Variants in RGS7BP observed in about 807,000 individuals in gnomAD.
The protein encoded by RGS7BP is regulator of G protein signaling 7 binding protein, also known as regulator of G protein signaling 7-binding protein.
Under a neutral mutation model 31.3 loss-of-function variants are expected in RGS7BP, and 9 were observed. The ratio of observed to expected loss-of-function variants is 0.29; its 90% CI spans 0.17 to 0.50. The LOEUF (loss-of-function observed/expected upper bound fraction) is 0.50. Ranked by LOEUF, RGS7BP falls within the 20% of genes least tolerant of loss-of-function variation. RGS7BP has a pLI of 0.98. For missense variants in RGS7BP, 274 were observed against 322.0 expected (o/e 0.85, Z 1.14); for synonymous variants, 115 against 120.1 (o/e 0.96, Z 0.28).
At chr5:64,597,133 C>G (rs564501907) in intron 4 of RGS7BP, among the ~76,000 whole-genome samples, 2 of 152,198 alleles carry the variant, frequency 1.3e-5, no homozygotes. Flanking sequence ...GCCCCTATGT[C>G]CTGGGGTCTC....
intron 3 of RGS7BP, among the ~76,000 whole-genome samples, chr5:64,582,825 T>C (rs1316134469): frequency 1.3e-5 from 2 of 152,098 alleles, no homozygotes; most frequent in Non-Finnish European, 2.9e-5. Context: ...GTATTCAGCA[T>C]CATATTAAGA....
intron 2 of RGS7BP, among the ~76,000 whole-genome samples, chr5:64,514,724 CA>C (rs1748925923): frequency 1.3e-5 from 2 of 152,140 alleles, no homozygotes; most frequent in African/African-American, 4.8e-5. Flanking sequence ...CCGGGGTGTT[CA>C]CTTTCCCTGG....
intron 2 of RGS7BP, among the ~76,000 whole-genome samples, chr5:64,534,561 A>G (rs936935943): frequency 1.6e-4 from 24 of 152,080 alleles, no homozygotes; most frequent in Non-Finnish European, 2.9e-4. Flanking sequence ...GGGAAAGGGG[A>G]GAATCAGAAA....
chr5:64,511,435 C>T (rs1748829486), intron 2 of RGS7BP, among the ~76,000 whole-genome samples: 1 of 152,170 alleles, frequency 6.6e-6, no homozygotes, highest in African/African-American at 2.4e-5. Flanking sequence ...CTAAGAGGGG[C>T]CTTAAAGATC....
chr5:64,605,344 T>C (rs1743325144), intron 5 of RGS7BP, among the ~76,000 whole-genome samples: 2 of 152,156 alleles, frequency 1.3e-5, no homozygotes, highest in African/African-American at 4.8e-5. Flanking sequence ...AAACATTCCC[T>C]TTTGCTTACA....
rs1580480860 is a variant in RGS7BP at position 64,611,529 on chromosome 5, T to C, written c.*2277T>C. 6.6e-6 allele frequency: 1 copy of C among 152,424 alleles called. No individual in the cohort carries two copies. The highest frequency in any genetic ancestry group is 1.9e-4 in the East Asian group (1 of 5,148). 9.4% of individuals were successfully genotyped at this position (152,424 alleles called of 1,614,324 possible). A position where few individuals can be genotyped will look rare whatever the true frequency, so the allele number is the denominator to read the frequency against. ...TTAATAAATTCAGGTCTCACCTCCATGTCTGAAAAGGCTATAGTAGCTATT... is the reference window on the plus strand; with the variant it reads ...TTAATAAATTCAGGTCTCACCTCCACGTCTGAAAAGGCTATAGTAGCTATT... On this transcript the variant is annotated 3_prime_UTR_variant, in exon 6 of 6. Transcript: ENST00000334025.
chr5:64,524,096 G>A (rs1749175135), intron 2 of RGS7BP, among the ~76,000 whole-genome samples: 1 of 152,128 alleles, frequency 6.6e-6, no homozygotes, highest in Admixed American at 6.6e-5. Flanking sequence ...GTAGCTGGTA[G>A]GATTTAACTG....
intron 5 of RGS7BP, among the ~76,000 whole-genome samples, chr5:64,608,297 A>G (rs369497654): frequency 1.3e-5 from 2 of 152,018 alleles, no homozygotes; most frequent in Non-Finnish European, 2.9e-5. Context: ...TTTGCTTTGC[A>G]CTTTTTTAAA....
intron 3 of RGS7BP, among the ~76,000 whole-genome samples, chr5:64,576,896 C>T (rs771154575): frequency 3.0e-4 from 45 of 152,144 alleles, no homozygotes; most frequent in Non-Finnish European, 5.0e-4. Context: ...TGTGCTTGAG[C>T]TCAGAAGAAT....
intron 4 of RGS7BP, 138 bp from the exon 5 acceptor site, chr5:64,598,227 A>G (rs982784895): frequency 3.3e-6 from 2 of 604,124 alleles, no homozygotes; most frequent in Admixed American, 3.0e-5. Flanking sequence ...AATAAATTCA[A>G]TATTTGCCTA....
At chr5:64,551,821 A>G (rs903651014) in intron 2 of RGS7BP, among the ~76,000 whole-genome samples, 9 of 152,302 alleles carry the variant, frequency 5.9e-5, no homozygotes, top group African/African-American at 1.9e-4. Flanking sequence ...CTAATCTAAA[A>G]TCTTTTACTT....
chr5:64,519,064 A>G (rs2111894383), intron 2 of RGS7BP, among the ~76,000 whole-genome samples: 1 of 152,308 alleles, frequency 6.6e-6, no homozygotes, highest in Middle Eastern at 3.4e-3. Flanking sequence ...CTGTCTGCTG[A>G]GAACACAAAT....
At chr5:64,533,884 A>T (rs1250359844) in intron 2 of RGS7BP, among the ~76,000 whole-genome samples, 3 of 152,244 alleles carry the variant, frequency 2.0e-5, no homozygotes, top group Non-Finnish European at 4.4e-5. Context: ...GGCACTGGGG[A>T]TACCCCAGGA....
chr5:64,567,606 T>A (rs1203680535), intron 2 of RGS7BP, among the ~76,000 whole-genome samples: 5 of 152,178 alleles, frequency 3.3e-5, no homozygotes, highest in African/African-American at 1.2e-4. Flanking sequence ...ATTGAATAAT[T>A]TAAACATAGT....
intron 2 of RGS7BP, among the ~76,000 whole-genome samples, chr5:64,508,496 C>T (rs2111866932): frequency 6.6e-6 from 1 of 152,238 alleles, no homozygotes; most frequent in East Asian, 1.9e-4. Context: ...TTATTTTCAT[C>T]AGATTTATCG....
chr5:64,585,184 T>C (rs3914039), intron 3 of RGS7BP, among the ~76,000 whole-genome samples: 101,306 of 151,936 alleles, frequency 0.67, 34,011 homozygotes, highest in Admixed American at 0.75. Flanking sequence ...TCATAGCAGG[T>C]AATGTGTCAG....
At chr5:64,601,379 C>T in intron 5 of RGS7BP, 1 of 794,856 alleles carries the variant, frequency 1.3e-6, no homozygotes, top group Non-Finnish European at 1.5e-6. Context: ...AAGACTTAAT[C>T]ATATCTTCTC....
At chr5:64,544,240 A>G (rs1741593389) in intron 2 of RGS7BP, among the ~76,000 whole-genome samples, 1 of 152,218 alleles carries the variant, frequency 6.6e-6, no homozygotes, top group South Asian at 2.1e-4. Context: ...AAAGAAGCAA[A>G]CAGGTGGTGA....
rs1162422947 is a variant in RGS7BP at position 64,610,504 on chromosome 5, A to G, written c.*1252A>G. ...TTTTTTCTTGTTTTCCATAGTCTGA[A>G]AAACCTTCAAGTCAGACAGGAGGCA... On this transcript the variant is annotated 3_prime_UTR_variant, in exon 6 of 6. Coordinates refer to ENST00000334025, the MANE Select transcript of RGS7BP (RefSeq NM_001029875.3). 1 of 151,934 alleles carries G rather than the reference A, an allele frequency of 6.6e-6. No individual in the cohort carries two copies. The highest frequency in any genetic ancestry group is 1.9e-4 in the East Asian group (1 of 5,176). 9.4% of individuals were successfully genotyped at this position (151,934 alleles called of 1,614,324 possible). A position where few individuals can be genotyped will look rare whatever the true frequency, so the allele number is the denominator to read the frequency against.
Sources: allele counts gnomAD v4.1 joint callset (sites outside exome capture counted in the v4.1 genomes callset), GRCh38; gene constraint gnomAD v4.1.1; transcripts MANE v1.5; gene names NCBI Gene and HGNC (gene_info 2026-07-23, HGNC 2026-07-21).